Variants in PIERCE2 observed in about 807,000 individuals in gnomAD.
PIERCE2 encodes the protein piercer of microtubule wall 2, also known as piercer of microtubule wall 2 protein.
the PIERCE2 span, chr15:55,418,305 CTG>C: frequency 6.5e-7 from 1 of 1,547,962 alleles, no homozygotes; most frequent in Non-Finnish European, 8.7e-7. Flanking sequence ...CCTGGCAATC[CTG>C]TGTTTTCATG....
chr15:55,415,456 CAAAA>C, the PIERCE2 span, among the ~76,000 whole-genome samples: 1 of 82,782 alleles, frequency 1.2e-5, no homozygotes. Flanking sequence ...AACTTCGTCT[CAAAA>C]AAAAAAAAAA....
the PIERCE2 span, among the ~76,000 whole-genome samples, chr15:55,416,153 G>T: frequency 2.6e-5 from 4 of 152,038 alleles, no homozygotes. Context: ...AGGCTGGAGT[G>T]CAGTGGCGTG....
the PIERCE2 span, among the ~76,000 whole-genome samples, chr15:55,410,341 A>G: frequency 1.3e-5 from 2 of 152,210 alleles, no homozygotes; most frequent in African/African-American, 4.8e-5. Flanking sequence ...ATTTGATAAC[A>G]AGAAGAGTTC....
At chr15:55,412,274 T>C in the PIERCE2 span, among the ~76,000 whole-genome samples, 3 of 152,184 alleles carry the variant, frequency 2.0e-5, no homozygotes, top group South Asian at 2.1e-4. Flanking sequence ...TAGGTCATAG[T>C]TGCTGCCTTG....
chr15:55,415,032 GC>G, the PIERCE2 span, among the ~76,000 whole-genome samples: 1 of 152,128 alleles, frequency 6.6e-6, no homozygotes, highest in Non-Finnish European at 1.5e-5. Context: ...TTATACCAGG[GC>G]TGGGTGAACG....
the PIERCE2 span, chr15:55,418,387 C>T: frequency 6.5e-7 from 1 of 1,534,610 alleles, no homozygotes; most frequent in Non-Finnish European, 8.7e-7. Context: ...TGTATAAAAC[C>T]AATTCAAGTC....
the PIERCE2 span, chr15:55,418,505 ACT>A: frequency 7.2e-6 from 11 of 1,526,742 alleles, no homozygotes; most frequent in Non-Finnish European, 8.8e-6. Context: ...TCAAAATAAC[ACT>A]CTAAATACTG....
the PIERCE2 span, among the ~76,000 whole-genome samples, chr15:55,409,024 A>G: frequency 6.6e-6 from 1 of 151,942 alleles, no homozygotes; most frequent in East Asian, 1.9e-4. Context: ...CAAACTGTTC[A>G]GTGATGGTTT....
the PIERCE2 span, among the ~76,000 whole-genome samples, chr15:55,417,476 G>T: frequency 1.3e-5 from 2 of 151,886 alleles, no homozygotes; most frequent in South Asian, 4.1e-4. Context: ...AGTTAGCTAT[G>T]TAATTAGTTA....
At chr15:55,412,568 T>C in the PIERCE2 span, among the ~76,000 whole-genome samples, 2 of 152,300 alleles carry the variant, frequency 1.3e-5, no homozygotes, top group South Asian at 2.1e-4. Context: ...GGAAAAATAC[T>C]TTCAAAAACT....
the PIERCE2 span, among the ~76,000 whole-genome samples, chr15:55,410,266 C>T: frequency 3.3e-5 from 5 of 152,142 alleles, no homozygotes; most frequent in African/African-American, 1.2e-4. Context: ...TACTAGATTT[C>T]GTTTTCTGCA....
At chr15:55,414,186 C>G in the PIERCE2 span, among the ~76,000 whole-genome samples, 14 of 145,996 alleles carry the variant, frequency 9.6e-5, no homozygotes, top group East Asian at 2.9e-3. Flanking sequence ...CGTGAGCCAC[C>G]GCGCCAGGCC....
At chr15:55,417,047 AC>A in the PIERCE2 span, among the ~76,000 whole-genome samples, 108,892 of 151,972 alleles carry the variant, frequency 0.72, 41,188 homozygotes, top group Middle Eastern at 0.84. Context: ...ATCATTACTC[AC>A]ATGGACTACT....
the PIERCE2 span, among the ~76,000 whole-genome samples, chr15:55,414,199 GTTTT>G: frequency 7.3e-5 from 3 of 40,878 alleles, no homozygotes; most frequent in Non-Finnish European, 1.5e-4. Flanking sequence ...GCCAGGCCTG[GTTTT>G]TTTTTGTTTT....
chr15:55,418,141 A>T, the PIERCE2 span: 1 of 1,571,236 alleles, frequency 6.4e-7, no homozygotes, highest in Non-Finnish European at 8.6e-7. Context: ...TTCCTGAAAA[A>T]GGGAAGTGGG....
the PIERCE2 span, among the ~76,000 whole-genome samples, chr15:55,414,005 C>T: frequency 2.6e-5 from 4 of 151,148 alleles, no homozygotes; most frequent in Non-Finnish European, 5.9e-5. Context: ...TCACGCCATT[C>T]TCCTGCCTCA....
At chr15:55,415,403 C>T in the PIERCE2 span, among the ~76,000 whole-genome samples, 2 of 148,392 alleles carry the variant, frequency 1.3e-5, no homozygotes, top group East Asian at 4.0e-4. Flanking sequence ...TTGCAGTGAG[C>T]TGAGATCCTG....
the PIERCE2 span, among the ~76,000 whole-genome samples, chr15:55,412,432 T>A: frequency 1.3e-5 from 2 of 152,184 alleles, no homozygotes; most frequent in African/African-American, 2.4e-5. Flanking sequence ...GTAGAAGAGA[T>A]CTGAGAGGTC....
At chr15:55,409,736 G>C in the PIERCE2 span, among the ~76,000 whole-genome samples, 1 of 151,992 alleles carries the variant, frequency 6.6e-6, no homozygotes, top group Non-Finnish European at 1.5e-5. Context: ...AAATGTATAT[G>C]TATCTATACC....
Sources: allele counts gnomAD v4.1 joint callset (sites outside exome capture counted in the v4.1 genomes callset), GRCh38; gene constraint gnomAD v4.1.1; transcripts MANE v1.5; gene names NCBI Gene and HGNC (gene_info 2026-07-23, HGNC 2026-07-21).